The following ISM1 variants were observed in gnomAD, a reference collection of about 807,000 sequenced individuals.
ISM1 encodes isthmin-1.
A neutral mutation model predicts 46.3 loss-of-function variants in ISM1; 25 were observed. The observed-to-expected ratio is 0.54, with a 90% confidence interval of 0.39 to 0.75. ISM1 has a LOEUF of 0.75. Ranked by LOEUF, ISM1 falls within the 30% of genes least tolerant of loss-of-function variation. The pLI is 0.00. For synonymous variants in ISM1, 255 were observed against 256.7 expected, an observed-to-expected ratio of 0.99 and a Z score of 0.06; for missense variants, 536 against 625.4, an observed-to-expected ratio of 0.86 and a Z score of 1.52.
chr20:13,268,347 C>CCTCTCT (rs3041816), intron 1 of ISM1, among the ~76,000 whole-genome samples: 1 of 66,600 alleles, frequency 1.5e-5, no homozygotes, highest in Non-Finnish European at 2.9e-5. Flanking sequence ...CCTTCTTCTT[C>CCTCTCT]CTCTCTCTCT....
chr20:13,267,508 G>A (rs535041317), intron 1 of ISM1, among the ~76,000 whole-genome samples: 21 of 152,246 alleles, frequency 1.4e-4, no homozygotes, highest in Admixed American at 1.2e-3. Context: ...CTAATCCTGC[G>A]GGGAGGGTAC....
At chr20:13,274,010 A>G (rs1314849787) in intron 2 of ISM1, among the ~76,000 whole-genome samples, 2 of 152,126 alleles carry the variant, frequency 1.3e-5, no homozygotes, top group African/African-American at 4.8e-5. Context: ...CAAAGAAAGA[A>G]TAAAACAACT....
chr20:13,238,072 C>A lies in ISM1; in HGVS notation c.138+16158C>A, dbSNP rs1027865751. 7 of 152,166 alleles carry A rather than the reference C, an allele frequency of 4.6e-5. No individual in the cohort carries two copies. In the East Asian group the frequency reaches 5.8e-4, roughly 13 times the overall value. 9.4% of individuals were successfully genotyped at this position (152,166 alleles called of 1,614,324 possible). A position where few individuals can be genotyped will look rare whatever the true frequency, so the allele number is the denominator to read the frequency against. ...AAGCTCAATTGTAGACATATATCTT[C>A]TTTATAGGACATCGTTTACAATAAA... On this transcript the variant is annotated intron_variant, in intron 1 of 5. Coordinates refer to ENST00000262487, the MANE Select transcript of ISM1 (RefSeq NM_080826.2).
At chr20:13,278,762 G>A (rs941836427) in intron 2 of ISM1, among the ~76,000 whole-genome samples, 12 of 152,226 alleles carry the variant, frequency 7.9e-5, no homozygotes, top group African/African-American at 2.7e-4. Context: ...TCTGCTCCAT[G>A]TGATGTTGGC....
At chr20:13,229,314 G>A (rs975887832) in intron 1 of ISM1, among the ~76,000 whole-genome samples, 1 of 152,116 alleles carries the variant, frequency 6.6e-6, no homozygotes, top group African/African-American at 2.4e-5. Flanking sequence ...AAGTCTTCTA[G>A]TGCACAATTG....
At chr20:13,224,829 C>G (rs2039495679) in intron 1 of ISM1, among the ~76,000 whole-genome samples, 1 of 149,664 alleles carries the variant, frequency 6.7e-6, no homozygotes, top group Admixed American at 6.6e-5. Context: ...TTTACACATA[C>G]TAGCTTTCTT....
At chr20:13,297,661 G>T (rs1463090113) in intron 5 of ISM1, among the ~76,000 whole-genome samples, 4 of 152,186 alleles carry the variant, frequency 2.6e-5, no homozygotes, top group Non-Finnish European at 5.9e-5. Context: ...CCATTCACCT[G>T]TTCACAGGAT....
chr20:13,285,149 GGCATGTTGGCA>G (rs1317559148), intron 3 of ISM1, among the ~76,000 whole-genome samples: 4 of 152,090 alleles, frequency 2.6e-5, no homozygotes, highest in African/African-American at 9.7e-5. Context: ...ACTTTGGCCA[GGCATGTTGGCA>G]CATGCCTGTA....
chr20:13,254,202 C>A (rs1014369578), intron 1 of ISM1, among the ~76,000 whole-genome samples: 1 of 151,752 alleles, frequency 6.6e-6, no homozygotes, highest in Admixed American at 6.6e-5. Flanking sequence ...CACTGCACCC[C>A]AGCCTGGGCG....
chr20:13,306,518 C>G, the ISM1 span, among the ~76,000 whole-genome samples: 2 of 116,580 alleles, frequency 1.7e-5, no homozygotes, highest in Non-Finnish European at 3.3e-5. Context: ...GTTTGTTTGT[C>G]TGTTTTCACC....
At chr20:13,254,029 C>T (rs992548413) in intron 1 of ISM1, among the ~76,000 whole-genome samples, 1 of 146,186 alleles carries the variant, frequency 6.8e-6, no homozygotes, top group African/African-American at 2.6e-5. Context: ...ACCAGCCTGG[C>T]CAACATGGCA....
At chr20:13,289,679 G>A (rs567100953) in intron 4 of ISM1, among the ~76,000 whole-genome samples, 1 of 151,838 alleles carries the variant, frequency 6.6e-6, no homozygotes, top group Admixed American at 6.6e-5. Flanking sequence ...AGGAGGGGGA[G>A]GAGGAGGAAG....
intron 5 of ISM1, among the ~76,000 whole-genome samples, chr20:13,297,241 A>G (rs975115818): frequency 7.9e-5 from 12 of 152,092 alleles, no homozygotes; most frequent in African/African-American, 1.7e-4. Context: ...CCTAACCTTC[A>G]CTGTTTTCCA....
chr20:13,256,325 G>A (rs2039928157), intron 1 of ISM1, among the ~76,000 whole-genome samples: 1 of 151,194 alleles, frequency 6.6e-6, no homozygotes, highest in East Asian at 1.9e-4. Context: ...GAATCCAGGA[G>A]GTGGAGGTTA....
At chr20:13,256,357 T>A (rs957906736) in intron 1 of ISM1, among the ~76,000 whole-genome samples, 1 of 132,860 alleles carries the variant, frequency 7.5e-6, no homozygotes, top group Non-Finnish European at 1.5e-5. Flanking sequence ...GATTGCACTA[T>A]CATACTCCAG....
chr20:13,270,939 T>A (rs1013209450), intron 2 of ISM1, among the ~76,000 whole-genome samples, 196 bp downstream of exon 2: 1 of 152,212 alleles, frequency 6.6e-6, no homozygotes, highest in Non-Finnish European at 1.5e-5. Flanking sequence ...GATGCACAAT[T>A]ATTTTGTGAA....
intron 1 of ISM1, among the ~76,000 whole-genome samples, chr20:13,224,844 T>TC (rs1481096881): frequency 5.9e-5 from 7 of 118,260 alleles, no homozygotes; most frequent in African/African-American, 1.6e-4. Context: ...TTTCTTTCTT[T>TC]TTTTTTTTTT....
At chr20:13,241,180 A>G (rs972417222) in intron 1 of ISM1, among the ~76,000 whole-genome samples, 1 of 152,186 alleles carries the variant, frequency 6.6e-6, no homozygotes, top group African/African-American at 2.4e-5. Context: ...GAGGTCACCA[A>G]CTGCTCTGCA....
downstream of ISM1, among the ~76,000 whole-genome samples, chr20:13,301,594 A>T (rs2123345248): frequency 6.6e-6 from 1 of 152,310 alleles, no homozygotes; most frequent in East Asian, 1.9e-4. Flanking sequence ...AGACTTATTC[A>T]CATCTGAAGC....
Sources: allele counts gnomAD v4.1 joint callset (sites outside exome capture counted in the v4.1 genomes callset), GRCh38; gene constraint gnomAD v4.1.1; transcripts MANE v1.5; gene names NCBI Gene and HGNC (gene_info 2026-07-23, HGNC 2026-07-21).